CUL3: variants seen among roughly 807,000 people sequenced by gnomAD.
CUL3 encodes cullin 3.
CUL3 carries 19 observed loss-of-function variants against 89.1 expected under a neutral mutation model. That is an observed-to-expected ratio of 0.21 (90% confidence interval 0.15 to 0.31). The LOEUF (loss-of-function observed/expected upper bound fraction) is 0.31. CUL3 is among the 10% of genes least tolerant of loss of function. CUL3 has a pLI of 1.00. For synonymous variants in CUL3, 351 were observed against 308.4 expected, an observed-to-expected ratio of 1.14 and a Z score of -1.45; for missense variants, 469 against 942.3, an observed-to-expected ratio of 0.50 and a Z score of 6.58.
chr2:224,569,724 C>G (rs376168347), intron 1 of CUL3: 134 of 1,219,800 alleles, frequency 1.1e-4, no homozygotes, highest in Non-Finnish European at 1.2e-4. Context: ...GAGAGAACTA[C>G]ATCATGAGAC....
chr2:224,520,369 C>T (rs1693218043), intron 3 of CUL3, among the ~76,000 whole-genome samples: 1 of 152,348 alleles, frequency 6.6e-6, no homozygotes, highest in East Asian at 1.9e-4. Context: ...CCCCTTTTCA[C>T]AGCTGGTTCT....
rs1403199860 is a variant in CUL3 at position 224,557,677 on chromosome 2, G to A, written c.246C>T (p.Thr82=). ...TTGATACCTTATTTATGAGATGTTC[G>A]GTAACAACTTCTCTTAGTCCAGTGT... ...KLYTGLREVV[T]EHLINKVRED... The change falls in exon 2 of 16, where the codon ACC becomes ACT. Residue 82 remains threonine (T), a synonymous_variant. Coordinates refer to ENST00000264414, the MANE Select transcript of CUL3 (RefSeq NM_003590.5). 18 of 1,609,330 alleles carry A rather than the reference G, an allele frequency of 1.1e-5. No individual in the cohort carries two copies. The highest frequency in any genetic ancestry group is 1.5e-5 in the Non-Finnish European group (18 of 1,177,010).
intron 3 of CUL3, among the ~76,000 whole-genome samples, chr2:224,534,728 A>C (rs919939318): frequency 2.0e-5 from 3 of 152,158 alleles, no homozygotes; most frequent in African/African-American, 7.2e-5. Flanking sequence ...CACGCCTGTA[A>C]TCCCAGCACT....
chr2:224,571,614 A>G (rs909392925), intron 1 of CUL3, among the ~76,000 whole-genome samples: 1 of 152,044 alleles, frequency 6.6e-6, no homozygotes, highest in Non-Finnish European at 1.5e-5. Flanking sequence ...AAAATCTGCT[A>G]TAAGTCTGTT....
intron 2 of CUL3, among the ~76,000 whole-genome samples, chr2:224,542,067 T>G (rs1464241572): frequency 1.3e-5 from 2 of 152,220 alleles, no homozygotes; most frequent in Admixed American, 6.5e-5. Flanking sequence ...TTTGAATTAT[T>G]ATTTGAAAAT....
chr2:224,494,788 CG>C (rs1320523460), intron 13 of CUL3, among the ~76,000 whole-genome samples: 10 of 151,986 alleles, frequency 6.6e-5, no homozygotes, highest in Admixed American at 2.0e-4. Context: ...GCTAAAATTA[CG>C]AACTATTGAA....
intron 3 of CUL3, among the ~76,000 whole-genome samples, chr2:224,521,711 T>C (rs1012468593): frequency 1.3e-5 from 2 of 151,960 alleles, no homozygotes; most frequent in African/African-American, 4.8e-5. Context: ...CTACTCCTAA[T>C]AGACCAAGGA....
intron 1 of CUL3, among the ~76,000 whole-genome samples, chr2:224,566,494 G>A (rs1258044482): frequency 6.6e-6 from 1 of 152,036 alleles, no homozygotes; most frequent in Non-Finnish European, 1.5e-5. Flanking sequence ...ATCCTTTGTG[G>A]CACTTTTTTC....
At chr2:224,539,072 G>A (rs1234314450) in intron 2 of CUL3, among the ~76,000 whole-genome samples, 5 of 152,060 alleles carry the variant, frequency 3.3e-5, no homozygotes, top group African/African-American at 9.7e-5. Flanking sequence ...ATTTGCAAAA[G>A]ACAAAGCTAA....
chr2:224,514,416 T>G (rs1692956015), intron 4 of CUL3, among the ~76,000 whole-genome samples, 196 bp downstream of exon 4: 1 of 152,212 alleles, frequency 6.6e-6, no homozygotes, highest in Non-Finnish European at 1.5e-5. Flanking sequence ...GGATAGTCTC[T>G]TCTAAAAATA....
chr2:224,549,346 T>C (rs912053251), intron 2 of CUL3, among the ~76,000 whole-genome samples: 15 of 150,348 alleles, frequency 1.0e-4, no homozygotes, highest in Non-Finnish European at 1.8e-4. Flanking sequence ...AAAAAAAAAT[T>C]GAAACATTTT....
At chr2:224,499,095 A>C (rs1350495819) in intron 11 of CUL3, among the ~76,000 whole-genome samples, 1 of 152,246 alleles carries the variant, frequency 6.6e-6, no homozygotes, top group African/African-American at 2.4e-5. Flanking sequence ...AAATATCTTT[A>C]GTTTCTGTAC....
At chr2:224,529,676 TA>T (rs1467652816) in intron 3 of CUL3, among the ~76,000 whole-genome samples, 1 of 152,066 alleles carries the variant, frequency 6.6e-6, no homozygotes, top group Non-Finnish European at 1.5e-5. Flanking sequence ...TACAAACTCT[TA>T]ATGCTTTCAG....
chr2:224,475,276 C>T (rs1040987656), intron 15 of CUL3, among the ~76,000 whole-genome samples: 8 of 152,206 alleles, frequency 5.3e-5, no homozygotes, highest in Non-Finnish European at 1.2e-4. Context: ...CTCGGCCTCC[C>T]AAAGTGCTGG....
rs571894058 is a variant in CUL3 at position 224,526,060 on chromosome 2, C to A, written c.378+9468G>T. On this transcript the variant is annotated intron_variant, in intron 3 of 15. Coordinates refer to ENST00000264414, the MANE Select transcript of CUL3 (RefSeq NM_003590.5). ...GAGTTCGTGAAATATGACCATTTTC[C>A]AAAGGATCTATGACTCCCAAAAGAT... Among the ~76,000 whole-genome samples, 16 of 152,278 alleles carry A rather than the reference C, an allele frequency of 1.1e-4. No homozygotes were observed. In the South Asian group the frequency reaches 3.3e-3, roughly 32 times the overall value.
At chr2:224,488,144 A>C (rs1371528263) in intron 13 of CUL3, among the ~76,000 whole-genome samples, 1 of 152,226 alleles carries the variant, frequency 6.6e-6, no homozygotes, top group African/African-American at 2.4e-5. Context: ...AGGAGAAAGC[A>C]GGAAAGATCT....
At chr2:224,572,658 G>C (rs764361547) in intron 1 of CUL3, among the ~76,000 whole-genome samples, 1 of 151,004 alleles carries the variant, frequency 6.6e-6, no homozygotes, top group Admixed American at 6.6e-5. Flanking sequence ...AAAAAGGTGG[G>C]GTCTTCAGGA....
chr2:224,515,048 T>TA (rs1327187648), intron 3 of CUL3, among the ~76,000 whole-genome samples: 1 of 150,660 alleles, frequency 6.6e-6, no homozygotes, highest in Non-Finnish European at 1.5e-5. Flanking sequence ...AAAAACAGAG[T>TA]AAAAAAAGGT....
At chr2:224,567,861 C>A (rs1396599629) in intron 1 of CUL3, among the ~76,000 whole-genome samples, 2 of 152,112 alleles carry the variant, frequency 1.3e-5, no homozygotes, top group Non-Finnish European at 2.9e-5. Context: ...ACACCATGAC[C>A]CTGTTCAAAA....
Sources: gnomAD v4.1 joint callset for allele counts (sites outside exome capture counted in the v4.1 genomes callset) on GRCh38, gnomAD v4.1.1 for gene constraint, MANE v1.5 for transcripts, NCBI Gene and HGNC (gene_info 2026-07-23, HGNC 2026-07-21) for gene names.